The following SIVA1 variants were observed in gnomAD, a reference collection of about 807,000 sequenced individuals.
The protein encoded by SIVA1 is apoptosis regulatory protein Siva.
Under a neutral mutation model 19.7 loss-of-function variants are expected in SIVA1, and 10 were observed. The ratio of observed to expected loss-of-function variants is 0.51; its 90% CI spans 0.31 to 0.86. The LOEUF (loss-of-function observed/expected upper bound fraction) is 0.86. Ranked by LOEUF, SIVA1 falls within the 40% of genes least tolerant of loss-of-function variation. The probability of loss-of-function intolerance (pLI) is 0.04; values close to 1 mark genes in which losing one functional copy is unlikely to be tolerated. For synonymous variants in SIVA1, 130 were observed against 106.1 expected, an observed-to-expected ratio of 1.23 and a Z score of -1.39; for missense variants, 241 against 245.2, an observed-to-expected ratio of 0.98 and a Z score of 0.11.
intron 2 of SIVA1, 107 bp from the exon 3 acceptor site, chr14:104,756,497 C>A: frequency 7.9e-7 from 1 of 1,273,588 alleles, no homozygotes; most frequent in South Asian, 1.2e-5. Flanking sequence ...ATGGGGTAGG[C>A]AGGTCAGAGC....
In SIVA1 at chr14:104,759,221, T is replaced by A; in HGVS notation, c.471-207T>A. 2 of 471,228 alleles carry A rather than the reference T, an allele frequency of 4.2e-6. No homozygotes were observed. Among genetic ancestry groups the A allele is most frequent in the Non-Finnish European group, 7.6e-6 (2 of 263,902 alleles). 29.2% of individuals were successfully genotyped at this position (471,228 alleles called of 1,614,324 possible). On this transcript the variant is annotated intron_variant, in intron 3 of 3. Transcript: ENST00000329967. This position sits in a 1 kb window ranked among gnomAD's most constrained non-coding sequence, Gnocchi z 4.2. The stretch of plus-strand genomic sequence containing the variant: ...TCTGTGTCCTTCTCTTCACGTAGTC[T>A]TTTTAGGACGCTGGTCGTGTTGCCT...
chr14:104,759,428 CTGCA>C lies in SIVA1; in HGVS notation c.472_475del (p.Cys158ValfsTer67). 6.2e-7 allele frequency: 1 copy of C among 1,613,226 alleles called. No individual in the cohort carries two copies. The highest frequency in any genetic ancestry group is 8.5e-7 in the Non-Finnish European group (1 of 1,179,612). On this transcript the variant is annotated frameshift_variant and splice_region_variant, in exon 4 of 4. Transcript: ENST00000329967. LOFTEE classifies it high-confidence loss of function. The surrounding 1 kb of genome is among the most constrained non-coding windows in gnomAD (Gnocchi z 4.2). Reference sequence around the variant, plus strand: ...TCTCCCCTCCCTGACGCTGTCGCAGCTGCAGTGACATGTACGAGAAAGTGCTGTG... The same window carrying C: ...TCTCCCCTCCCTGACGCTGTCGCAGCGTGACATGTACGAGAAAGTGCTGTG...
In SIVA1 at chr14:104,759,283, G is replaced by T. The variant is rs10142660; in HGVS notation, c.471-145G>T. 0.13 allele frequency: 77,355 copies of T among 613,884 alleles called. 5,467 individuals carry two copies. The highest frequency in any genetic ancestry group is 0.21 in the African/African-American group (11,192 of 53,390). The allele number at this position is 613,884 out of a possible 1,614,324, so 38.0% of individuals were successfully genotyped here. A position where few individuals can be genotyped will look rare whatever the true frequency, so the allele number is the denominator to read the frequency against. ...TGTCAGTGCCGTCATCTAGACTGAT[G>T]ATGCCCGCAGTGATCCTGTCTCCAG... is the stretch of plus-strand genomic sequence containing the variant. On this transcript the variant is annotated intron_variant, in intron 3 of 3. Coordinates refer to ENST00000329967, the MANE Select transcript of SIVA1 (RefSeq NM_006427.4). This position sits in a 1 kb window ranked among gnomAD's most constrained non-coding sequence, Gnocchi z 4.2.
chr14:104,753,171 G>C lies in SIVA1; in HGVS notation c.-31G>C. On this transcript the variant is annotated 5_prime_UTR_variant, in exon 1 of 4. Transcript: ENST00000329967. ...CGTCGTTGGTAAGGGGCTGGCGGCC[G>C]GGGAGCTGCGTAGCTCCCGGCCCCG... is the stretch of plus-strand genomic sequence containing the variant. The C allele has an allele frequency of 2.8e-6, 4 of 1,419,066 alleles. No individual in the cohort carries two copies. Among genetic ancestry groups the C allele is most frequent in the South Asian group, 1.2e-5 (1 of 83,022 alleles). 87.9% of individuals were successfully genotyped at this position (1,419,066 alleles called of 1,614,324 possible). A position where few individuals can be genotyped will look rare whatever the true frequency, so the allele number is the denominator to read the frequency against.
intron 1 of SIVA1, among the ~76,000 whole-genome samples, chr14:104,755,397 T>G (rs908379068): frequency 6.6e-6 from 1 of 152,154 alleles, no homozygotes; most frequent in African/African-American, 2.4e-5. Context: ...GGCCAGAGCC[T>G]TCCTGGAGGA....
Position 104,759,524 on chromosome 14 carries a change from C to T in SIVA1, c.*39C>T, listed in dbSNP as rs1411948331. 10 of 1,574,604 alleles carry T rather than the reference C, an allele frequency of 6.4e-6. No homozygotes were observed. Among genetic ancestry groups the T allele is most frequent in the Middle Eastern group, 1.7e-4 (1 of 6,010 alleles). ...CGGCTGCCTTCACCGGGAGCCACGC[C>T]GTGCATGGCAGCCTTCCCTGGACGA... On this transcript the variant is annotated 3_prime_UTR_variant, in exon 4 of 4. Transcript: ENST00000329967. The surrounding 1 kb of genome is among the most constrained non-coding windows in gnomAD (Gnocchi z 4.2).
At chr14:104,756,088 C>G (rs2140858425) in intron 2 of SIVA1, 1 of 603,466 alleles carries the variant, frequency 1.7e-6, no homozygotes, top group Non-Finnish European at 3.0e-6. Flanking sequence ...CTGCAGCCCC[C>G]TCAGATAGTC....
At chr14:104,756,247 CAG>C (rs886721325) in intron 2 of SIVA1, 1 of 446,794 alleles carries the variant, frequency 2.2e-6, no homozygotes, top group African/African-American at 2.0e-5. Flanking sequence ...CTTTGTTAAC[CAG>C]TAAGGCAGTG....
In SIVA1 at chr14:104,759,203, CCTT is replaced by C. The variant is rs1892002345; in HGVS notation, c.471-222_471-220del. 1 of 445,046 alleles carries C rather than the reference CCTT, an allele frequency of 2.2e-6. No individual in the cohort carries two copies. The highest frequency in any genetic ancestry group is 4.0e-6 in the Non-Finnish European group (1 of 248,598). The allele number at this position is 445,046 out of a possible 1,614,324, so 27.6% of individuals were successfully genotyped here. A position where few individuals can be genotyped will look rare whatever the true frequency, so the allele number is the denominator to read the frequency against. ...TTCATGTCGTCTTCCTTCTCTGTGTCCTTCTCTTCACGTAGTCTTTTTAGGACG... is the reference window on the plus strand; with the variant it reads ...TTCATGTCGTCTTCCTTCTCTGTGTCCTCTTCACGTAGTCTTTTTAGGACG... On this transcript the variant is annotated intron_variant, in intron 3 of 3. Coordinates refer to ENST00000329967, the MANE Select transcript of SIVA1 (RefSeq NM_006427.4). This position sits in a 1 kb window ranked among gnomAD's most constrained non-coding sequence, Gnocchi z 4.2.
rs1254898446 is a variant in SIVA1 at position 104,756,650 on chromosome 14, C to T, written c.360C>T (p.Ala120=). 1.4e-5 allele frequency: 23 copies of T among 1,614,044 alleles called. No homozygotes were observed. Among genetic ancestry groups the T allele is most frequent in the Non-Finnish European group, 1.9e-5 (22 of 1,180,024 alleles). ...ASIACSSCVR[A]VDGKAVCGQC... ...TTGCCTGTTCCTCATGCGTGCGAGC[C>T]GTGGATGGGAAGGCGGTCTGCGGTC... The change falls in exon 3 of 4, where the codon GCC becomes GCT. Residue 120 remains alanine, a synonymous_variant. Coordinates refer to ENST00000329967, the MANE Select transcript of SIVA1 (RefSeq NM_006427.4).
Position 104,756,075 on chromosome 14 carries a change from C to T in SIVA1, c.313+251C>T, listed in dbSNP as rs1039303330. The T allele has an allele frequency of 3.0e-5, 19 of 624,198 alleles. No individual in the cohort carries two copies. The East Asian group carries it at 3.4e-4, about 11-fold the overall frequency. 38.7% of individuals were successfully genotyped at this position (624,198 alleles called of 1,614,324 possible). The stretch of plus-strand genomic sequence containing the variant: ...CTCCCCGGGTATCCCGTCTGCTTTC[C>T]GCCTGCAGCCCCCTCAGATAGTCCC... On this transcript the variant is annotated intron_variant, in intron 2 of 3. Coordinates refer to ENST00000329967, the MANE Select transcript of SIVA1 (RefSeq NM_006427.4).
intron 3 of SIVA1, chr14:104,756,967 C>A: frequency 1.6e-6 from 1 of 609,998 alleles, no homozygotes; most frequent in Non-Finnish European, 2.9e-6. Flanking sequence ...AAAGCTGAAC[C>A]TCACAGATGA....
rs201543559 is a variant in SIVA1, at chr14:104,756,611, T to C, written c.321T>C (p.Ser107=). 20 of 1,614,214 alleles carry C rather than the reference T, an allele frequency of 1.2e-5. No individual in the cohort carries two copies. The highest frequency in any genetic ancestry group is 1.5e-5 in the Non-Finnish European group (18 of 1,180,036). The change falls in exon 3 of 4, where the codon TCT becomes TCC. Residue 107 remains serine (S), a synonymous_variant. Coordinates refer to ENST00000329967, the MANE Select transcript of SIVA1 (RefSeq NM_006427.4). ...GGCGTTTCTTCCTCACAGACCCATC[T>C]GGGGTAGCGTCCATTGCCTGTTCCT... ...SLGQASEADP[S]GVASIACSSC... is the part of the protein sequence containing the mutation.
At chr14:104,753,403 C>A (rs1258378083) in intron 1 of SIVA1, 84 bp downstream of exon 1, 2 of 935,246 alleles carry the variant, frequency 2.1e-6, no homozygotes, top group Non-Finnish European at 3.1e-6. Flanking sequence ...GAGGCCTGAG[C>A]GGGGGGCTGG....
At position 104,753,244 on chromosome 14, in the gene SIVA1, C is replaced by T; in HGVS notation, c.43C>T (p.Gln15Ter). ...SCPFADVAPL[Q>*]LKVRVSQREL... ...CCCCTTCGCGGACGTGGCCCCGCTA[C>T]AGCTCAAGGTCCGCGTGAGCCAGAG... is the stretch of plus-strand genomic sequence containing the variant. The change falls in exon 1 of 4, where the codon CAG (glutamine) becomes TAG (stop). Residue 15 changes from glutamine to a stop codon, truncating the protein, a stop_gained. Coordinates refer to ENST00000329967, the MANE Select transcript of SIVA1 (RefSeq NM_006427.4). LOFTEE classifies it high-confidence loss of function. The T allele has an allele frequency of 6.3e-7, 1 of 1,594,066 alleles. No homozygotes were observed. The highest frequency in any genetic ancestry group is 8.5e-7 in the Non-Finnish European group (1 of 1,172,680).
intron 2 of SIVA1, chr14:104,756,119 C>T: frequency 1.8e-6 from 1 of 546,804 alleles, no homozygotes; most frequent in Non-Finnish European, 3.3e-6. Flanking sequence ...GGAAACATGC[C>T]AGTCCCATCC....
intron 1 of SIVA1, chr14:104,753,987 G>C (rs1891801148): frequency 3.4e-6 from 1 of 296,092 alleles, no homozygotes; most frequent in Admixed American, 3.9e-5. Context: ...GCCAGGCAGA[G>C]GAAGGGAAGG....
chr14:104,759,550 G>A lies in SIVA1; in HGVS notation c.*65G>A. 1 of 1,402,734 alleles carries A rather than the reference G, an allele frequency of 7.1e-7. No individual in the cohort carries two copies. Among genetic ancestry groups the A allele is most frequent in the Non-Finnish European group, 1.0e-6 (1 of 1,002,106 alleles). 86.9% of individuals were successfully genotyped at this position (1,402,734 alleles called of 1,614,324 possible). A position where few individuals can be genotyped will look rare whatever the true frequency, so the allele number is the denominator to read the frequency against. On this transcript the variant is annotated 3_prime_UTR_variant, in exon 4 of 4. Coordinates refer to ENST00000329967, the MANE Select transcript of SIVA1 (RefSeq NM_006427.4). This position sits in a 1 kb window ranked among gnomAD's most constrained non-coding sequence, Gnocchi z 4.2. ...GTGCATGGCAGCCTTCCCTGGACGA[G>A]CGCTCGGTGTTCACACTGAACTGTG...
chr14:104,755,204 C>T (rs1891843527), intron 1 of SIVA1, among the ~76,000 whole-genome samples: 1 of 152,244 alleles, frequency 6.6e-6, no homozygotes, highest in Admixed American at 6.5e-5. Flanking sequence ...TGAATTAGTG[C>T]TCCACAGTGC....
Sources: allele counts gnomAD v4.1 joint callset (sites outside exome capture counted in the v4.1 genomes callset), GRCh38; gene constraint gnomAD v4.1.1; non-coding constraint Gnocchi (gnomAD v3.1); transcripts MANE v1.5; gene names NCBI Gene and HGNC (gene_info 2026-07-23, HGNC 2026-07-21).